NRXN1: variants seen among roughly 807,000 people sequenced by gnomAD.
NRXN1 encodes the protein neurexin 1, also known as neurexin-1.
A neutral mutation model predicts 150.9 loss-of-function variants in NRXN1; 39 were observed. That is an observed-to-expected ratio of 0.26 (90% confidence interval 0.20 to 0.34). NRXN1 has a LOEUF of 0.34. NRXN1 is among the 10% of genes least tolerant of loss of function. The pLI is 1.00. For synonymous variants in NRXN1, 924 were observed against 757.0 expected, an observed-to-expected ratio of 1.22 and a Z score of -3.62; for missense variants, 1,815 against 1,949.9, an observed-to-expected ratio of 0.93 and a Z score of 1.30.
intron 2 of NRXN1, among the ~76,000 whole-genome samples, chr2:50,931,297 A>C (rs1222832583): frequency 6.6e-6 from 1 of 152,070 alleles, no homozygotes; most frequent in Non-Finnish European, 1.5e-5. Flanking sequence ...ATTATTCTAT[A>C]CCTGGGTTCT....
chr2:50,118,694 T>C (rs760492695), intron 18 of NRXN1, among the ~76,000 whole-genome samples: 8 of 152,170 alleles, frequency 5.3e-5, no homozygotes, highest in Non-Finnish European at 1.0e-4. Flanking sequence ...AATGAACTAC[T>C]GTGGTACTAG....
At chr2:50,028,831 A>T (rs1688764303) in intron 21 of NRXN1, among the ~76,000 whole-genome samples, 1 of 152,220 alleles carries the variant, frequency 6.6e-6, no homozygotes, top group Admixed American at 6.5e-5. Flanking sequence ...TGGTTGTATT[A>T]GGTAAGATGG....
intron 17 of NRXN1, among the ~76,000 whole-genome samples, chr2:50,264,774 A>G (rs1428808704): frequency 2.0e-5 from 3 of 152,090 alleles, no homozygotes; most frequent in Non-Finnish European, 4.4e-5. Context: ...GAAACATTTC[A>G]GTAAAGAGTT....
At chr2:50,894,273 TA>T (rs1387219236) in intron 5 of NRXN1, among the ~76,000 whole-genome samples, 1 of 140,156 alleles carries the variant, frequency 7.1e-6, no homozygotes, top group Non-Finnish European at 1.6e-5. Context: ...AATAAATAAA[TA>T]AAATAACAGG....
chr2:50,289,149 T>C (rs1158653823), intron 17 of NRXN1, among the ~76,000 whole-genome samples: 1 of 152,104 alleles, frequency 6.6e-6, no homozygotes, highest in East Asian at 1.9e-4. Context: ...ATGAATAACA[T>C]GTAAATGGAG....
At chr2:50,307,222 T>C (rs1256619955) in intron 17 of NRXN1, among the ~76,000 whole-genome samples, 7 of 152,182 alleles carry the variant, frequency 4.6e-5, no homozygotes, top group Admixed American at 6.5e-5. Context: ...GACCTCGTGA[T>C]TCACCCACCT....
At chr2:50,675,938 C>A (rs1275047594) in intron 5 of NRXN1, among the ~76,000 whole-genome samples, 1 of 152,028 alleles carries the variant, frequency 6.6e-6, no homozygotes, top group Non-Finnish European at 1.5e-5. Context: ...GTCAAAAAGA[C>A]AAAATATTCA....
At chr2:50,206,525 G>C (rs1254029191) in intron 18 of NRXN1, among the ~76,000 whole-genome samples, 1 of 151,698 alleles carries the variant, frequency 6.6e-6, no homozygotes, top group African/African-American at 2.4e-5. Context: ...TTCCCCACTT[G>C]ATGGCCATAC....
At chr2:50,359,196 T>C (rs187757558) in intron 17 of NRXN1, among the ~76,000 whole-genome samples, 1 of 151,896 alleles carries the variant, frequency 6.6e-6, no homozygotes, top group Non-Finnish European at 1.5e-5. Context: ...AGAATTCCTC[T>C]TCTCCTTCAA....
At chr2:50,982,861 C>G (rs1697053529) in intron 2 of NRXN1, among the ~76,000 whole-genome samples, 1 of 151,986 alleles carries the variant, frequency 6.6e-6, no homozygotes, top group Non-Finnish European at 1.5e-5. Flanking sequence ...ATTCCAATAA[C>G]TCTGTTTTTA....
Position 50,236,862 on chromosome 2 carries a change from G to A in NRXN1, c.3473C>T (p.Thr1158Ile), listed in dbSNP as rs1574657686. Residue 1158 changes from threonine (T) to isoleucine (I), a missense_variant, in exon 18 of 23, where the codon ACT (threonine) becomes ATT (isoleucine). Thr to Ile is a moderately conservative substitution (Grantham distance 89, BLOSUM62 -1). Transcript: ENST00000401669. ...RADRLAIGFS[T>I]VQKEAVLVRV... is the part of the protein sequence containing the mutation. ...CACCAATACGGCTTCTTTCTGAACAGTGCTAAAACCTATGGCCAGTCTGTC... is the reference window on the plus strand; with the variant it reads ...CACCAATACGGCTTCTTTCTGAACAATGCTAAAACCTATGGCCAGTCTGTC... 4 of 1,613,326 alleles carry A rather than the reference G, an allele frequency of 2.5e-6. No individual in the cohort carries two copies. The highest frequency in any genetic ancestry group is 3.4e-6 in the Non-Finnish European group (4 of 1,179,642).
intron 5 of NRXN1, among the ~76,000 whole-genome samples, chr2:50,649,228 A>G (rs1685234661): frequency 6.6e-6 from 1 of 150,562 alleles, no homozygotes; most frequent in African/African-American, 2.4e-5. Context: ...ATACAAAATT[A>G]GGTACAAGCA....
intron 21 of NRXN1, among the ~76,000 whole-genome samples, chr2:49,992,773 A>G (rs1682224447): frequency 6.6e-6 from 1 of 152,240 alleles, no homozygotes; most frequent in South Asian, 2.1e-4. Flanking sequence ...ACCTGACCAA[A>G]AAGAGATATA....
intron 5 of NRXN1, among the ~76,000 whole-genome samples, chr2:50,915,027 T>C (rs1685021545): frequency 6.6e-6 from 1 of 151,512 alleles, no homozygotes; most frequent in Non-Finnish European, 1.5e-5. Flanking sequence ...AAGATAGTAA[T>C]TTCTATGAAG....
At chr2:50,524,288 G>A (rs1050122700) in intron 12 of NRXN1, among the ~76,000 whole-genome samples, 3 of 151,964 alleles carry the variant, frequency 2.0e-5, no homozygotes, top group South Asian at 2.1e-4. Context: ...AGACGAGCCC[G>A]GCCAACATGG....
intron 17 of NRXN1, among the ~76,000 whole-genome samples, chr2:50,431,343 A>C (rs2104371092): frequency 6.6e-6 from 1 of 152,248 alleles, no homozygotes; most frequent in South Asian, 2.1e-4. Context: ...ACAATCACCT[A>C]ATCCAAGATA....
At chr2:50,455,598 T>C (rs2087474537) in intron 17 of NRXN1, among the ~76,000 whole-genome samples, 1 of 152,322 alleles carries the variant, frequency 6.6e-6, no homozygotes, top group South Asian at 2.1e-4. Flanking sequence ...CTCCTGCAGC[T>C]AAGAGGAAAT....
intron 12 of NRXN1, among the ~76,000 whole-genome samples, chr2:50,515,036 A>C (rs1004170805): frequency 6.6e-6 from 1 of 152,180 alleles, no homozygotes; most frequent in Non-Finnish European, 1.5e-5. Context: ...AGCATGCCGC[A>C]CAGCAGGAGG....
At chr2:50,867,303 G>C (rs1301660674) in intron 5 of NRXN1, among the ~76,000 whole-genome samples, 2 of 151,808 alleles carry the variant, frequency 1.3e-5, no homozygotes, top group Non-Finnish European at 2.9e-5. Context: ...GAATTCATGG[G>C]ACCCTATTTA....
Sources: gnomAD v4.1 joint callset for allele counts (sites outside exome capture counted in the v4.1 genomes callset) on GRCh38, gnomAD v4.1.1 for gene constraint, MANE v1.5 for transcripts, NCBI Gene and HGNC (gene_info 2026-07-23, HGNC 2026-07-21) for gene names.